Variants in SLC25A13 observed in about 807,000 individuals in gnomAD.
SLC25A13 encodes solute carrier family 25 member 13.
SLC25A13 carries 70 observed loss-of-function variants against 85.5 expected under a neutral mutation model. That is an observed-to-expected ratio of 0.82 (90% confidence interval 0.68 to 1.00). The LOEUF (loss-of-function observed/expected upper bound fraction) is 1.00. SLC25A13 is among the 50% of genes least tolerant of loss of function. The pLI, the probability that SLC25A13 is intolerant of heterozygous loss-of-function variation, is 0.00. For missense variants in SLC25A13, 765 were observed against 819.8 expected (o/e 0.93, Z 0.82); for synonymous variants, 259 against 288.7 (o/e 0.90, Z 1.04).
At chr7:96,300,918 T>C (rs1489716583) in intron 1 of SLC25A13, among the ~76,000 whole-genome samples, 1 of 152,236 alleles carries the variant, frequency 6.6e-6, no homozygotes, top group African/African-American at 2.4e-5. Flanking sequence ...TTTCCATTTA[T>C]ACTGCTACCT....
At chr7:96,122,854 A>G (rs562685790) in intron 15 of SLC25A13, among the ~76,000 whole-genome samples, 1 of 152,322 alleles carries the variant, frequency 6.6e-6, no homozygotes, top group South Asian at 2.1e-4. Context: ...ACTGTCTCTT[A>G]TGGTTTTATT....
At chr7:96,123,782 C>T (rs749394009) in intron 15 of SLC25A13, among the ~76,000 whole-genome samples, 23 of 152,138 alleles carry the variant, frequency 1.5e-4, no homozygotes, top group Non-Finnish European at 3.1e-4. Flanking sequence ...TAAAGCAAGG[C>T]TGGGAAAGCA....
intron 15 of SLC25A13, among the ~76,000 whole-genome samples, chr7:96,128,345 G>A (rs1791818799): frequency 6.6e-6 from 1 of 152,108 alleles, no homozygotes; most frequent in Non-Finnish European, 1.5e-5. Flanking sequence ...TAACAAAGAT[G>A]AGAGAGACAT....
chr7:96,208,783 G>C, intron 5 of SLC25A13, 55 bp downstream of exon 5: 1 of 1,605,732 alleles, frequency 6.2e-7, no homozygotes, highest in South Asian at 1.1e-5. Context: ...AGGATTATAG[G>C]TGTGAGCCAC....
intron 13 of SLC25A13, among the ~76,000 whole-genome samples, chr7:96,165,659 G>A (rs1416331162): frequency 6.6e-6 from 1 of 152,190 alleles, no homozygotes; most frequent in Non-Finnish European, 1.5e-5. Flanking sequence ...CATTTATACT[G>A]CTTAGGATAT....
intron 11 of SLC25A13, among the ~76,000 whole-genome samples, chr7:96,177,483 T>C (rs1322943950): frequency 6.6e-6 from 1 of 152,236 alleles, no homozygotes; most frequent in African/African-American, 2.4e-5. Flanking sequence ...GCCAGGCTGC[T>C]GAGCTTCAAT....
intron 2 of SLC25A13, among the ~76,000 whole-genome samples, chr7:96,295,185 C>A (rs974226428): frequency 1.3e-5 from 2 of 151,968 alleles, no homozygotes; most frequent in Admixed American, 1.3e-4. Flanking sequence ...GGTGAAACCC[C>A]GTCTCTACTA....
At chr7:96,187,864 G>T (rs1355239522) in intron 9 of SLC25A13, among the ~76,000 whole-genome samples, 2 of 152,172 alleles carry the variant, frequency 1.3e-5, no homozygotes, top group Admixed American at 6.5e-5. Flanking sequence ...TAGGGTTCAT[G>T]CAGTAAAAAG....
chr7:96,250,601 T>C (rs1293704385), intron 3 of SLC25A13, among the ~76,000 whole-genome samples: 1 of 152,124 alleles, frequency 6.6e-6, no homozygotes, highest in Non-Finnish European at 1.5e-5. Flanking sequence ...AGGTGGTTTT[T>C]TCAACACAAA....
chr7:96,276,270 C>T (rs1199037255), intron 3 of SLC25A13, among the ~76,000 whole-genome samples: 4 of 152,178 alleles, frequency 2.6e-5, no homozygotes, highest in South Asian at 4.1e-4. Flanking sequence ...CAAAATTCTT[C>T]GTGTAATGGT....
intron 3 of SLC25A13, among the ~76,000 whole-genome samples, chr7:96,248,907 TCA>T: frequency 6.6e-6 from 1 of 152,332 alleles, no homozygotes; most frequent in Non-Finnish European, 1.5e-5. Context: ...TTCTACAATT[TCA>T]AATAAAATTT....
chr7:96,148,726 A>C (rs897957686), intron 13 of SLC25A13, among the ~76,000 whole-genome samples: 2 of 152,194 alleles, frequency 1.3e-5, no homozygotes, highest in Non-Finnish European at 2.9e-5. Context: ...GGTAAAATGC[A>C]AAGTAATCAG....
intron 4 of SLC25A13, among the ~76,000 whole-genome samples, chr7:96,214,022 T>C (rs1413851842): frequency 2.0e-5 from 3 of 152,160 alleles, no homozygotes; most frequent in African/African-American, 7.2e-5. Flanking sequence ...CAAATAATAG[T>C]GATATTATTT....
intron 3 of SLC25A13, among the ~76,000 whole-genome samples, chr7:96,274,536 G>A (rs1468831930): frequency 1.3e-5 from 2 of 152,096 alleles, no homozygotes; most frequent in Non-Finnish European, 2.9e-5. Flanking sequence ...GTCAATTTTG[G>A]CTTTTGTTGC....
intron 5 of SLC25A13, among the ~76,000 whole-genome samples, chr7:96,194,960 C>T (rs1795004587): frequency 6.6e-6 from 1 of 152,182 alleles, no homozygotes; most frequent in African/African-American, 2.4e-5. Context: ...CTGGAGCCTC[C>T]ACCACTGGCT....
At chr7:96,195,938 C>T (rs947601882) in intron 5 of SLC25A13, among the ~76,000 whole-genome samples, 1 of 152,174 alleles carries the variant, frequency 6.6e-6, no homozygotes, top group Non-Finnish European at 1.5e-5. Flanking sequence ...ATTCACATTC[C>T]TGCCTTTACA....
intron 14 of SLC25A13, among the ~76,000 whole-genome samples, chr7:96,141,782 C>T (rs977692409): frequency 1.3e-5 from 2 of 152,088 alleles, no homozygotes; most frequent in Admixed American, 6.5e-5. Flanking sequence ...CTTATGAGTA[C>T]TTATATGTTA....
intron 14 of SLC25A13, among the ~76,000 whole-genome samples, chr7:96,133,501 T>C (rs753767371): frequency 1.1e-4 from 17 of 152,190 alleles, no homozygotes; most frequent in Non-Finnish European, 2.2e-4. Flanking sequence ...CAAAACTCAA[T>C]ACTCTAAGAG....
At chr7:96,150,931 C>T (rs1356767363) in intron 13 of SLC25A13, among the ~76,000 whole-genome samples, 1 of 151,862 alleles carries the variant, frequency 6.6e-6, no homozygotes, top group Non-Finnish European at 1.5e-5. Context: ...AACTATATGC[C>T]TCATAAATAC....
Sources: allele counts gnomAD v4.1 joint callset (sites outside exome capture counted in the v4.1 genomes callset), GRCh38; gene constraint gnomAD v4.1.1; transcripts MANE v1.5; gene names NCBI Gene and HGNC (gene_info 2026-07-23, HGNC 2026-07-21).